PGM2: variants seen among roughly 807,000 people sequenced by gnomAD.
PGM2 encodes phosphopentomutase.
PGM2 carries 57 observed loss-of-function variants against 74.6 expected under a neutral mutation model. The ratio of observed to expected loss-of-function variants is 0.76; its 90% CI spans 0.62 to 0.95. The LOEUF (loss-of-function observed/expected upper bound fraction) is 0.95, where lower values mean the gene tolerates loss of function less well. Ranked by LOEUF, PGM2 falls within the 40% of genes least tolerant of loss-of-function variation. The pLI is 0.00. For missense variants in PGM2, 706 were observed against 741.9 expected (o/e 0.95, Z 0.56); for synonymous variants, 273 against 260.7 (o/e 1.05, Z -0.46).
intron 8 of PGM2, among the ~76,000 whole-genome samples, chr4:37,846,045 G>A (rs1191114008): frequency 1.3e-5 from 2 of 152,170 alleles, no homozygotes; most frequent in African/African-American, 4.8e-5. Flanking sequence ...TGTCTAATGA[G>A]GGTAAAGCAC....
chr4:37,832,743 G>T (rs1020564939), intron 2 of PGM2, among the ~76,000 whole-genome samples: 1 of 152,166 alleles, frequency 6.6e-6, no homozygotes, highest in Admixed American at 6.5e-5. Context: ...CTCATTAAAA[G>T]ATGGTTTCAT....
rs60980591 is a variant in PGM2, at chr4:37,837,966, C to T, written c.441+353C>T. 7.2e-3 allele frequency among the ~76,000 whole-genome samples: 1,096 copies of T among 152,118 alleles called. 10 individuals carry two copies. The highest frequency in any genetic ancestry group is 0.025 in the African/African-American group (1,037 of 41,492). ...TACGATCTTGGCTCACTGCAACCTC[C>T]GTGTCCCGGGTTCAAGCAATTCTAC... On this transcript the variant is annotated intron_variant, in intron 4 of 13. Coordinates refer to ENST00000381967, the MANE Select transcript of PGM2 (RefSeq NM_018290.4).
chr4:37,852,752 C>T (rs529190888), intron 12 of PGM2, among the ~76,000 whole-genome samples: 73 of 152,184 alleles, frequency 4.8e-4, no homozygotes, highest in Middle Eastern at 6.8e-3. Flanking sequence ...TTCCATGCAA[C>T]TTGTTTTGTT....
At chr4:37,844,313 G>C (rs1560416420) in intron 6 of PGM2, 51 bp from the exon 7 acceptor site, 1 of 1,235,832 alleles carries the variant, frequency 8.1e-7, no homozygotes, top group Non-Finnish European at 1.1e-6. Context: ...TTGCAGTTTT[G>C]AGAGCCCTGT....
At chr4:37,854,375 T>A (rs973474332) in intron 12 of PGM2, among the ~76,000 whole-genome samples, 1 of 152,022 alleles carries the variant, frequency 6.6e-6, no homozygotes, top group Non-Finnish European at 1.5e-5. Context: ...TTTGGAGGCA[T>A]AGTTTCACTC....
At chr4:37,847,826 A>G (rs1011530433) in intron 10 of PGM2, among the ~76,000 whole-genome samples, 13 of 152,246 alleles carry the variant, frequency 8.5e-5, no homozygotes, top group African/African-American at 2.7e-4. Context: ...AGAACTAGCT[A>G]TAGAAATTTG....
Position 37,826,806 on chromosome 4 carries a change from G to T in PGM2, c.74G>T (p.Trp25Leu). ...CAGGAGACCGCCCAGTGGCTGCGCTGGGACAAGGTGAGGGGCACCAGCAGG... is the reference window on the plus strand; with the variant it reads ...CAGGAGACCGCCCAGTGGCTGCGCTTGGACAAGGTGAGGGGCACCAGCAGG... ...LDQETAQWLR[W>L]DKNSLTLEAV... The change falls in exon 1 of 14, where the codon TGG becomes TTG. Residue 25 changes from tryptophan (W) to leucine (L), a missense_variant. Physicochemically the swap from Trp to Leu is moderately conservative, Grantham distance 61 (BLOSUM62 -2). Transcript: ENST00000381967. 1.9e-6 allele frequency: 3 copies of T among 1,545,976 alleles called. No homozygotes were observed. The highest frequency in any genetic ancestry group is 2.6e-6 in the Non-Finnish European group (3 of 1,143,454).
chr4:37,850,250 A>G lies in PGM2; in HGVS notation c.1479A>G (p.Leu493=). ...ICHDQETIKK[L]FENLRNYDGK... ...ATGATCAAGAAACCATTAAGAAATT[A>G]TTTGAAAACCTCAGAAACTACGATG... Residue 493 remains leucine (L), a synonymous_variant, in exon 12 of 14, where the codon TTA becomes TTG. Transcript: ENST00000381967. 14 of 1,582,730 alleles carry G rather than the reference A, an allele frequency of 8.8e-6. No homozygotes were observed. The highest frequency in any genetic ancestry group is 2.2e-5 in the East Asian group (1 of 44,588).
At chr4:37,828,635 G>T (rs1725359072) in intron 1 of PGM2, among the ~76,000 whole-genome samples, 1 of 152,110 alleles carries the variant, frequency 6.6e-6, no homozygotes, top group Non-Finnish European at 1.5e-5. Flanking sequence ...ATTCTTACCT[G>T]TCTGTCTCCT....
intron 6 of PGM2, among the ~76,000 whole-genome samples, chr4:37,840,947 A>AGT (rs201822410): frequency 0.08 from 6,033 of 75,786 alleles, 370 homozygotes; most frequent in East Asian, 0.17. Flanking sequence ...CATACATGTA[A>AGT]GTGTGTGTGT....
chr4:37,837,634 A>C lies in PGM2; in HGVS notation c.441+21A>C, dbSNP rs746797655. On this transcript the variant is annotated intron_variant, in intron 4 of 13. Coordinates refer to ENST00000381967, the MANE Select transcript of PGM2 (RefSeq NM_018290.4). ...TTGTGGTAAGTAGCCATTTCCTTTC[A>C]TAATTTCCTGTCACATGATCAGGGA... 3.4e-6 allele frequency: 5 copies of C among 1,478,572 alleles called. No individual in the cohort carries two copies. In the South Asian group the frequency reaches 5.7e-5, roughly 17 times the overall value. The allele number at this position is 1,478,572 out of a possible 1,614,324, so 91.6% of individuals were successfully genotyped here.
intron 1 of PGM2, among the ~76,000 whole-genome samples, chr4:37,828,188 C>A (rs1175893221): frequency 2.0e-5 from 3 of 151,930 alleles, no homozygotes; most frequent in Non-Finnish European, 2.9e-5. Context: ...AAAAATGTTT[C>A]CATTTCTGAT....
chr4:37,855,979 T>G (rs1726182307), intron 13 of PGM2, among the ~76,000 whole-genome samples: 1 of 152,236 alleles, frequency 6.6e-6, no homozygotes, highest in African/African-American at 2.4e-5. Context: ...TTTATCCTTA[T>G]TTCAGTATAG....
At chr4:37,830,228 C>T (rs2911907) in intron 2 of PGM2, 97 bp downstream of exon 2, 719,771 of 904,038 alleles carry the variant, frequency 0.8, 289,860 homozygotes, top group East Asian at 0.87. Flanking sequence ...ACATGTCTTA[C>T]CAGCTTGGCT....
In PGM2 at chr4:37,848,532, C is replaced by T; in HGVS notation, c.1293C>T (p.Cys431=). The change falls in exon 11 of 14, where the codon TGC becomes TGT. Residue 431 remains cysteine (C), a synonymous_variant. Coordinates refer to ENST00000381967, the MANE Select transcript of PGM2 (RefSeq NM_018290.4). ...CGTGTGTTTCTGCAGGATACATGTGCTGCCCTTTTGTTCTGGACAAAGATG... is the reference window on the plus strand; with the variant it reads ...CGTGTGTTTCTGCAGGATACATGTGTTGCCCTTTTGTTCTGGACAAAGATG... The part of the protein sequence containing the change: ...FAFEEAIGYM[C]CPFVLDKDGV... 1 of 1,613,260 alleles carries T rather than the reference C, an allele frequency of 6.2e-7. No individual in the cohort carries two copies. Among genetic ancestry groups the T allele is most frequent in the Non-Finnish European group, 8.5e-7 (1 of 1,179,416 alleles).
Position 37,855,642 on chromosome 4 carries a change from C to A in PGM2, c.1637C>A (p.Thr546Asn). 6.2e-7 allele frequency: 1 copy of A among 1,614,056 alleles called. No individual in the cohort carries two copies. The highest frequency in any genetic ancestry group is 8.5e-7 in the Non-Finnish European group (1 of 1,179,954). The change falls in exon 13 of 14, where the codon ACC becomes AAC. Residue 546 changes from threonine to asparagine, a missense_variant. This residue lies in a region of PGM2 where 359 missense variants were observed against 371.1 expected (regional missense o/e 0.97). Coordinates refer to ENST00000381967, the MANE Select transcript of PGM2 (RefSeq NM_018290.4). ...LPTSKSSQMITFTFANGGVAT... is the reference protein window; with the variant it reads ...LPTSKSSQMINFTFANGGVAT... ...ACTAGTAAAAGCAGCCAAATGATCACCTTCACCTTTGCTAATGGAGGCGTG... is the reference window on the plus strand; with the variant it reads ...ACTAGTAAAAGCAGCCAAATGATCAACTTCACCTTTGCTAATGGAGGCGTG...
At position 37,848,634 on chromosome 4, in the gene PGM2, A is replaced by G. The variant is rs759465207; in HGVS notation, c.1395A>G (p.Leu465=). ...AGAATTTGTCTTTGTCTCAGCAACT[A>G]AAGGCCATTTATGTGGAGTAAGTTG... The part of the protein sequence containing the change: ...ATKNLSLSQQ[L]KAIYVEYGYH... Residue 465 remains leucine, a synonymous_variant, in exon 11 of 14, where the codon CTA becomes CTG. Coordinates refer to ENST00000381967, the MANE Select transcript of PGM2 (RefSeq NM_018290.4). 7.4e-6 allele frequency: 12 copies of G among 1,613,372 alleles called. No homozygotes were observed. Among genetic ancestry groups the G allele is most frequent in the Non-Finnish European group, 1.7e-6 (2 of 1,179,434 alleles).
chr4:37,847,186 T>C lies in PGM2; in HGVS notation c.1189-16T>C. Reference sequence around the variant, plus strand: ...AGATCTAAGGCATGTCTTTCTCTTTTGGATTATCCCTTTAGGAAACATTAA... The same window carrying C: ...AGATCTAAGGCATGTCTTTCTCTTTCGGATTATCCCTTTAGGAAACATTAA... On this transcript the variant is annotated splice_polypyrimidine_tract_variant and intron_variant, in intron 9 of 13. Coordinates refer to ENST00000381967, the MANE Select transcript of PGM2 (RefSeq NM_018290.4). 1 of 1,609,536 alleles carries C rather than the reference T, an allele frequency of 6.2e-7. No individual in the cohort carries two copies. The highest frequency in any genetic ancestry group is 1.7e-5 in the Admixed American group (1 of 59,964).
intron 1 of PGM2, among the ~76,000 whole-genome samples, chr4:37,827,994 T>A (rs1035453427): frequency 2.0e-5 from 3 of 152,212 alleles, no homozygotes; most frequent in African/African-American, 7.2e-5. Context: ...AGTAGGTCAC[T>A]GAAATACTTG....
Sources: allele counts gnomAD v4.1 joint callset (sites outside exome capture counted in the v4.1 genomes callset), GRCh38; gene constraint gnomAD v4.1.1; regional missense constraint gnomAD v4.1.1; transcripts MANE v1.5; gene names NCBI Gene and HGNC (gene_info 2026-07-23, HGNC 2026-07-21).